MMUT: variants seen among roughly 807,000 people sequenced by gnomAD.
MMUT encodes methylmalonyl-CoA mutase, also known as methylmalonyl-CoA mutase, mitochondrial.
In MMUT, 79 loss-of-function variants were observed where a neutral mutation model predicts 79.9. The ratio of observed to expected loss-of-function variants is 0.99; its 90% confidence interval spans 0.82 to 1.19. The LOEUF is 1.19. Among genes scored for constraint, MMUT ranks in the 50% most tolerant of loss-of-function variants. The pLI is 0.00. For missense variants in MMUT, 860 were observed against 917.2 expected (o/e 0.94, Z 0.81); for synonymous variants, 273 against 295.7 (o/e 0.92, Z 0.79).
At chr6:49,459,562 T>G in intron 1 of MMUT, 57 bp from the exon 2 acceptor site, 2 of 1,302,410 alleles carry the variant, frequency 1.5e-6, no homozygotes, top group Non-Finnish European at 2.1e-6. Context: ...AAATAGGAGC[T>G]ACTCATAAGA....
chr6:49,457,395 A>G (rs867760195), intron 3 of MMUT, among the ~76,000 whole-genome samples: 4 of 152,214 alleles, frequency 2.6e-5, no homozygotes, highest in South Asian at 2.1e-4. Flanking sequence ...CTACTTCACA[A>G]CTGCATCTGA....
At chr6:49,444,337 T>G (rs1359291455) in intron 9 of MMUT, among the ~76,000 whole-genome samples, 1 of 152,272 alleles carries the variant, frequency 6.6e-6, no homozygotes, top group African/African-American at 2.4e-5. Context: ...GGCATAAACC[T>G]GGTGATATAC....
rs2127420486 is a variant in MMUT, at chr6:49,459,281, G to A, written c.186C>T (p.His62=). The A allele has an allele frequency of 1.2e-6, 2 of 1,614,162 alleles. No individual in the cohort carries two copies. The highest frequency in any genetic ancestry group is 1.6e-4 in the Middle Eastern group (1 of 6,062). The change falls in exon 2 of 13, where the codon CAC becomes CAT. Residue 62 remains histidine, a synonymous_variant. Coordinates refer to ENST00000274813, the MANE Select transcript of MMUT (RefSeq NM_000255.4). ...KGKNPEDLIW[H]TPEGISIKPL... is the part of the protein sequence containing the mutation. ...GTTTTATAGAGATCCCTTCCGGGGT[G>A]TGCCATATTAGGTCTTCTGGGTTTT...
chr6:49,442,469 T>C (rs1157679120), intron 9 of MMUT, among the ~76,000 whole-genome samples: 1 of 152,110 alleles, frequency 6.6e-6, no homozygotes, highest in African/African-American at 2.4e-5. Flanking sequence ...GTACTTGTTC[T>C]TATAGACATT....
chr6:49,446,628 AAAC>A (rs1767416033), intron 8 of MMUT, among the ~76,000 whole-genome samples: 2 of 151,982 alleles, frequency 1.3e-5, no homozygotes, highest in East Asian at 1.9e-4. Context: ...CAATACACAA[AAAC>A]AACAATTCAA....
At position 49,440,398 on chromosome 6, in the gene MMUT, C is replaced by T. The variant is rs781095765; in HGVS notation, c.1809-45G>A. The T allele has an allele frequency of 1.5e-5, 23 of 1,585,282 alleles. No homozygotes were observed. The Admixed American group carries it at 1.8e-4, about 13-fold the overall frequency. ...ATATCAGTAGTTAGATACTAATTTT[C>T]CAAAGGGAAGATATAAAAACTAATT... is the stretch of plus-strand genomic sequence containing the variant. On this transcript the variant is annotated intron_variant, in intron 10 of 12. Coordinates refer to ENST00000274813, the MANE Select transcript of MMUT (RefSeq NM_000255.4).
At chr6:49,458,945 C>T (rs1046045891) in intron 2 of MMUT, 137 bp downstream of exon 2, 2 of 872,964 alleles carry the variant, frequency 2.3e-6, no homozygotes, top group African/African-American at 3.4e-5. Flanking sequence ...TAAAAAAATC[C>T]ACTTTTTTCA....
At position 49,441,893 on chromosome 6, in the gene MMUT, T is replaced by C; in HGVS notation, c.1755A>G (p.Gly585=). 1 of 1,612,352 alleles carries C rather than the reference T, an allele frequency of 6.2e-7. No individual in the cohort carries two copies. Among genetic ancestry groups the C allele is most frequent in the African/African-American group, 1.3e-5 (1 of 74,944 alleles). ...EHKANDRMVS[G]AYRQEFGESK... ...TTTCTCCAAATTCCTGGCGATATGC[T>C]CCACTCACCATTCGATCATTCGCTT... is the stretch of plus-strand genomic sequence containing the variant. The change falls in exon 10 of 13, where the codon GGA becomes GGG. Residue 585 remains glycine (G), a synonymous_variant. Coordinates refer to ENST00000274813, the MANE Select transcript of MMUT (RefSeq NM_000255.4).
intron 9 of MMUT, among the ~76,000 whole-genome samples, 194 bp downstream of exon 9, chr6:49,444,445 T>A (rs182238426): frequency 2.0e-5 from 3 of 152,248 alleles, no homozygotes; most frequent in Admixed American, 2.0e-4. Flanking sequence ...CAATTATTAA[T>A]ACAGTTCACT....
chr6:49,453,035 CTTTG>C (rs1325968320), intron 5 of MMUT, among the ~76,000 whole-genome samples: 3 of 117,030 alleles, frequency 2.6e-5, no homozygotes, highest in Non-Finnish European at 3.5e-5. Context: ...TTCTTTCTTT[CTTTG>C]TTTTTTTTTT....
chr6:49,447,248 T>C (rs1767431837), intron 8 of MMUT, among the ~76,000 whole-genome samples: 1 of 151,934 alleles, frequency 6.6e-6, no homozygotes, highest in Non-Finnish European at 1.5e-5. Flanking sequence ...GCCATCATTC[T>C]GGTGAAAGAA....
chr6:49,451,608 G>A lies in MMUT; in HGVS notation c.1190C>T (p.Pro397Leu), dbSNP rs764838738. The change falls in exon 6 of 13, where the codon CCA (proline) becomes CTA (leucine). Residue 397 changes from proline (P) to leucine (L), a missense_variant. By Grantham distance (98) the Pro-to-Leu change is moderately conservative. Transcript: ENST00000274813. ...TNSFDEALGL[P>L]TVKSARIARN... The stretch of plus-strand genomic sequence containing the variant: ...GGCAATTCGAGCACTTTTCACAGTT[G>A]GCAAACCCAAAGCTTCATCAAAAGA... 6.2e-7 allele frequency: 1 copy of A among 1,614,070 alleles called. No individual in the cohort carries two copies. The highest frequency in any genetic ancestry group is 8.5e-7 in the Non-Finnish European group (1 of 1,180,000).
chr6:49,451,510 T>C lies in MMUT; in HGVS notation c.1288A>G (p.Met430Val), dbSNP rs1767551333. 2 of 1,613,994 alleles carry C rather than the reference T, an allele frequency of 1.2e-6. No individual in the cohort carries two copies. The highest frequency in any genetic ancestry group is 2.2e-5 in the East Asian group (1 of 44,882). ...ACATCATTTGTGAGACATTCCATCA[T>C]GTAAGAACCTCCCCAAGGATCAGCC... ...KVADPWGGSY[M>V]MECLTNDVYD... is the part of the protein sequence containing the mutation. Residue 430 changes from methionine to valine, a missense_variant, in exon 6 of 13, where the codon ATG becomes GTG. Transcript: ENST00000274813.
intron 9 of MMUT, among the ~76,000 whole-genome samples, chr6:49,443,021 C>T (rs1767317974): frequency 6.6e-6 from 1 of 151,866 alleles, no homozygotes; most frequent in African/African-American, 2.4e-5. Context: ...GTTAAAGCAA[C>T]ATATTTTTTT....
rs558845235 is a variant in MMUT at position 49,437,117 on chromosome 6, A to G, written c.1957-1494T>C. On this transcript the variant is annotated intron_variant, in intron 11 of 12. Transcript: ENST00000274813. ...TTGAATACTAAAAGAATGTTTCCTC[A>G]AATGTTGGGGGGTCTTCCTAATGTA... Among the ~76,000 whole-genome samples the G allele has an allele frequency of 5.9e-5, 9 of 152,284 alleles. No homozygotes were observed. The South Asian group carries it at 1.7e-3, about 28-fold the overall frequency.
At chr6:49,452,010 T>C (rs1347658615) in intron 5 of MMUT, among the ~76,000 whole-genome samples, 2 of 152,314 alleles carry the variant, frequency 1.3e-5, no homozygotes, top group East Asian at 3.9e-4. Context: ...CTTTTTCTAC[T>C]TAAGATTATA....
intron 5 of MMUT, among the ~76,000 whole-genome samples, chr6:49,452,579 C>CT (rs1561956964): frequency 6.6e-6 from 1 of 152,112 alleles, no homozygotes; most frequent in South Asian, 2.1e-4. Context: ...GTGATCTGCC[C>CT]GCCTTGGCCT....
intron 1 of MMUT, 124 bp from the exon 2 acceptor site, chr6:49,459,629 GC>G: frequency 1.3e-6 from 1 of 770,968 alleles, no homozygotes; most frequent in Non-Finnish European, 2.0e-6. Context: ...CCCCTTTTCT[GC>G]TTCCTGCACC....
At chr6:49,445,785 G>C (rs1395722772) in intron 8 of MMUT, among the ~76,000 whole-genome samples, 2 of 151,742 alleles carry the variant, frequency 1.3e-5, no homozygotes, top group Admixed American at 6.6e-5. Flanking sequence ...TAAATCTATA[G>C]ATGTGGAACC....
Sources: allele counts gnomAD v4.1 joint callset (sites outside exome capture counted in the v4.1 genomes callset), GRCh38; gene constraint gnomAD v4.1.1; transcripts MANE v1.5; gene names NCBI Gene and HGNC (gene_info 2026-07-23, HGNC 2026-07-21).